The following GMDS variants were observed in gnomAD, a reference collection of about 807,000 sequenced individuals.
GMDS encodes GDP-mannose 4,6 dehydratase.
Under a neutral mutation model 49.9 loss-of-function variants are expected in GMDS, and 20 were observed. That is an observed-to-expected ratio of 0.40 (90% CI 0.28 to 0.58). The LOEUF is 0.58. GMDS is among the 20% of genes least tolerant of loss of function. The probability of loss-of-function intolerance (pLI) is 0.42; values close to 1 mark genes in which losing one functional copy is unlikely to be tolerated. For synonymous variants in GMDS, 177 were observed against 178.6 expected (o/e 0.99, Z 0.07); for missense variants, 362 against 481.4 (o/e 0.75, Z 2.32).
intron 2 of GMDS, among the ~76,000 whole-genome samples, chr6:2,122,773 G>C (rs192268190): frequency 7.0e-4 from 107 of 152,334 alleles, no homozygotes; most frequent in Admixed American, 2.6e-3. Context: ...ACTAGGAAGA[G>C]AACTAATTTC....
chr6:2,040,966 A>G (rs1321166444), intron 4 of GMDS, among the ~76,000 whole-genome samples: 1 of 152,228 alleles, frequency 6.6e-6, no homozygotes, highest in African/African-American at 2.4e-5. Context: ...TAAAATTGAC[A>G]GCAAATAAAC....
intron 7 of GMDS, among the ~76,000 whole-genome samples, chr6:1,755,841 T>C (rs558723785): frequency 3.3e-5 from 5 of 152,298 alleles, no homozygotes; most frequent in Middle Eastern, 3.4e-3. Context: ...ATTCAGGACA[T>C]AGGCATGCGC....
intron 4 of GMDS, among the ~76,000 whole-genome samples, chr6:1,999,943 A>ATTT (rs1355130374): frequency 5.6e-5 from 3 of 53,814 alleles, no homozygotes; most frequent in East Asian, 6.1e-4. Context: ...ATTATATATA[A>ATTT]TATATAATAT....
At chr6:1,758,795 G>A (rs1259330140) in intron 7 of GMDS, among the ~76,000 whole-genome samples, 1 of 152,244 alleles carries the variant, frequency 6.6e-6, no homozygotes, top group African/African-American at 2.4e-5. Context: ...TGGATTACAG[G>A]CGCGGTGGCT....
chr6:2,062,213 A>G (rs635234), intron 4 of GMDS, among the ~76,000 whole-genome samples: 47,612 of 151,966 alleles, frequency 0.31, 7,660 homozygotes, highest in East Asian at 0.48. Flanking sequence ...AGAAGCATCT[A>G]CCTGAGGCGC....
intron 7 of GMDS, among the ~76,000 whole-genome samples, chr6:1,801,456 C>T (rs1380711973): frequency 6.6e-6 from 1 of 152,206 alleles, no homozygotes; most frequent in Non-Finnish European, 1.5e-5. Context: ...TTGAATAGAA[C>T]CTTAATACAG....
At chr6:1,800,625 CTTTCT>C (rs1769911893) in intron 7 of GMDS, among the ~76,000 whole-genome samples, 1,734 of 149,626 alleles carry the variant, frequency 0.012, 31 homozygotes, top group African/African-American at 0.04. Flanking sequence ...CTTTTTCTTT[CTTTCT>C]TTTTTTTTTT....
chr6:2,163,423 G>T (rs1396705789), intron 1 of GMDS, among the ~76,000 whole-genome samples: 2 of 145,482 alleles, frequency 1.4e-5, no homozygotes, highest in African/African-American at 5.7e-5. Flanking sequence ...GTGTCTATGT[G>T]TGTGTGTGTG....
chr6:1,784,550 A>G (rs2113619524), intron 7 of GMDS, among the ~76,000 whole-genome samples: 1 of 152,256 alleles, frequency 6.6e-6, no homozygotes, highest in Admixed American at 6.5e-5. Flanking sequence ...ATTTGGCCGG[A>G]TGTCAGAGCA....
intron 7 of GMDS, among the ~76,000 whole-genome samples, chr6:1,805,257 T>A (rs1337843773): frequency 6.6e-6 from 1 of 152,232 alleles, no homozygotes; most frequent in Non-Finnish European, 1.5e-5. Flanking sequence ...TTTTTCCTGG[T>A]AGTTATATAT....
At chr6:1,678,689 CTT>C (rs1043735846) in intron 9 of GMDS, among the ~76,000 whole-genome samples, 4 of 151,986 alleles carry the variant, frequency 2.6e-5, no homozygotes, top group African/African-American at 9.7e-5. Context: ...AATATTTTAA[CTT>C]AAGATTCAGT....
At chr6:1,775,300 TAA>T (rs1046005143) in intron 7 of GMDS, among the ~76,000 whole-genome samples, 6 of 152,214 alleles carry the variant, frequency 3.9e-5, no homozygotes, top group African/African-American at 1.4e-4. Context: ...ATGCAAATAT[TAA>T]AAGACAAACA....
At chr6:1,667,641 G>A (rs916404804) in intron 9 of GMDS, among the ~76,000 whole-genome samples, 2 of 151,710 alleles carry the variant, frequency 1.3e-5, no homozygotes, top group Admixed American at 1.3e-4. Context: ...GATGGTGACA[G>A]TCCTGTCTGA....
At chr6:2,164,103 A>G (rs1191536684) in intron 1 of GMDS, among the ~76,000 whole-genome samples, 1 of 152,242 alleles carries the variant, frequency 6.6e-6, no homozygotes, top group Non-Finnish European at 1.5e-5. Flanking sequence ...TCCATGGTTC[A>G]GCCAACCCAA....
chr6:1,795,857 G>A (rs1036057856), intron 7 of GMDS, among the ~76,000 whole-genome samples: 3 of 152,096 alleles, frequency 2.0e-5, no homozygotes, highest in Non-Finnish European at 4.4e-5. Context: ...CCCTAAATAA[G>A]CACTCAGATG....
At position 1,766,978 on chromosome 6, in the gene GMDS, C is replaced by G. The variant is rs1372806756; in HGVS notation, c.772-24392G>C. Among the ~76,000 whole-genome samples, 3 of 152,182 alleles carry G rather than the reference C, an allele frequency of 2.0e-5. No individual in the cohort carries two copies. In the East Asian group the frequency reaches 5.8e-4, roughly 29 times the overall value. On this transcript the variant is annotated intron_variant, in intron 7 of 10. Transcript: ENST00000380815. This position sits in a 1 kb window ranked among gnomAD's most constrained non-coding sequence, Gnocchi z 4.5. ...GTAAAATCGAGCAGGGATCCCCAAACCTTCCTCTCACACCACAGCTGTAGG... is the reference window on the plus strand; with the variant it reads ...GTAAAATCGAGCAGGGATCCCCAAAGCTTCCTCTCACACCACAGCTGTAGG...
At chr6:1,943,110 C>T (rs1403205223) in intron 6 of GMDS, among the ~76,000 whole-genome samples, 1 of 152,226 alleles carries the variant, frequency 6.6e-6, no homozygotes, top group Admixed American at 6.5e-5. Flanking sequence ...CCCAGCATCT[C>T]CTCCTGCCCT....
chr6:2,079,258 C>T (rs1361231210), intron 4 of GMDS, among the ~76,000 whole-genome samples: 2 of 151,762 alleles, frequency 1.3e-5, no homozygotes, highest in Non-Finnish European at 2.9e-5. Context: ...GTGGAAAATT[C>T]AATCCTTCCA....
intron 4 of GMDS, among the ~76,000 whole-genome samples, chr6:2,087,975 C>A (rs1014538377): frequency 6.6e-6 from 1 of 152,006 alleles, no homozygotes; most frequent in African/African-American, 2.4e-5. Context: ...CCTAAAAGGG[C>A]TGAAAGAGAA....
Sources: gnomAD v4.1 joint callset for allele counts (sites outside exome capture counted in the v4.1 genomes callset) on GRCh38, gnomAD v4.1.1 for gene constraint, Gnocchi (gnomAD v3.1) non-coding constraint, MANE v1.5 for transcripts, NCBI Gene and HGNC (gene_info 2026-07-23, HGNC 2026-07-21) for gene names.